RBL2: variants seen among roughly 807,000 people sequenced by gnomAD.
RBL2 encodes RB transcriptional corepressor like 2.
RBL2 carries 56 observed loss-of-function variants against 126.0 expected under a neutral mutation model. The ratio of observed to expected loss-of-function variants is 0.44; its 90% confidence interval spans 0.36 to 0.56. The LOEUF is 0.56. RBL2 is among the 20% of genes least tolerant of loss of function. RBL2 has a pLI of 0.00. For synonymous variants in RBL2, 454 were observed against 478.5 expected, an observed-to-expected ratio of 0.95 and a Z score of 0.67; for missense variants, 1,229 against 1,398.2, an observed-to-expected ratio of 0.88 and a Z score of 1.93.
intron 3 of RBL2, chr16:53,446,031 A>G (rs1309212950): frequency 6.6e-6 from 1 of 152,202 alleles, no homozygotes; most frequent in Non-Finnish European, 1.5e-5. Context: ...TAGAGGAAAC[A>G]AGAAAAGACA....
chr16:53,472,192 G>A (rs533389732), intron 17 of RBL2, among the ~76,000 whole-genome samples: 7 of 152,128 alleles, frequency 4.6e-5, no homozygotes, highest in Non-Finnish European at 8.8e-5. Context: ...GTTTCCAACT[G>A]TTGGCTATAG....
rs770411158 is a variant in RBL2 at position 53,467,148 on chromosome 16, G to T, written c.1954G>T (p.Asp652Tyr). The change falls in exon 14 of 22, where the codon GAT (aspartate) becomes TAT (tyrosine). Residue 652 changes from aspartate (D) to tyrosine (Y), a missense_variant. Physicochemically the swap from Asp to Tyr is radical, Grantham distance 160. Around this residue, in one of 2 missense-constraint regions of RBL2, gnomAD observed 1,070 missense variants for 1,274.3 expected, o/e 0.84. Coordinates refer to ENST00000262133, the MANE Select transcript of RBL2 (RefSeq NM_005611.4). ...TPRRVTEVRADTGGLGRSITS... is the reference protein window; with the variant it reads ...TPRRVTEVRAYTGGLGRSITS... ...CAGAAGGGTGACTGAAGTTCGTGCT[G>T]ATACTGGAGGACTTGGAAGGAGTAA... 6.2e-7 allele frequency: 1 copy of T among 1,613,146 alleles called. No individual in the cohort carries two copies.
intron 19 of RBL2, 182 bp from the exon 20 acceptor site, chr16:53,480,385 T>C (rs915641072): frequency 1.3e-5 from 8 of 606,906 alleles, no homozygotes; most frequent in Non-Finnish European, 2.0e-5. Context: ...GCTATGGTTA[T>C]GGCATAGGGA....
chr16:53,459,353 T>C (rs2058197306), intron 8 of RBL2, 98 bp from the exon 9 acceptor site: 1 of 941,492 alleles, frequency 1.1e-6, no homozygotes, highest in Non-Finnish European at 1.6e-6. Context: ...CTTACTGGCT[T>C]GAAGTCCCAT....
chr16:53,465,927 C>T (rs757982144), intron 13 of RBL2: 6 of 172,530 alleles, frequency 3.5e-5, no homozygotes, highest in Non-Finnish European at 6.1e-5. Flanking sequence ...TCTAGAGATC[C>T]TCGCCACCTC....
intron 21 of RBL2, chr16:53,487,800 T>C (rs565993682): frequency 1.3e-5 from 2 of 152,342 alleles, no homozygotes; most frequent in South Asian, 4.1e-4. Flanking sequence ...TTTGTATATC[T>C]ACAGTATCTA....
At chr16:53,436,650 T>C (rs745462315) in intron 1 of RBL2, among the ~76,000 whole-genome samples, 26 of 152,298 alleles carry the variant, frequency 1.7e-4, no homozygotes, top group Middle Eastern at 3.4e-3. Flanking sequence ...AGAATACTGG[T>C]TATGGAATTT....
intron 4 of RBL2, among the ~76,000 whole-genome samples, chr16:53,447,515 G>C (rs1340801826): frequency 1.3e-5 from 2 of 152,016 alleles, no homozygotes; most frequent in African/African-American, 4.8e-5. Flanking sequence ...GTTCAGATAA[G>C]TATACTTAGT....
At position 53,454,830 on chromosome 16, in the gene RBL2, G is replaced by A; in HGVS notation, c.1167G>A (p.Gln389=). 6.2e-7 allele frequency: 1 copy of A among 1,608,234 alleles called. No homozygotes were observed. Among genetic ancestry groups the A allele is most frequent in the Non-Finnish European group, 8.5e-7 (1 of 1,176,408 alleles). The change falls in exon 8 of 22, where the codon CAG becomes CAA. Residue 389 remains glutamine, a synonymous_variant. Transcript: ENST00000262133. ...TGCAGATGAAAAACATCTTACAGCA[G>A]CATTTTGACAAGGTGAGTTTAGCCA... The part of the protein sequence containing the change: ...ERVQMKNILQ[Q]HFDKSKALRI...
intron 3 of RBL2, among the ~76,000 whole-genome samples, chr16:53,444,864 A>T (rs1235957780): frequency 1.3e-5 from 2 of 152,190 alleles, no homozygotes; most frequent in African/African-American, 4.8e-5. Context: ...AATAAATAAA[A>T]AATGAAGTAT....
intron 17 of RBL2, chr16:53,478,942 C>A: frequency 1.8e-6 from 1 of 551,268 alleles, no homozygotes; most frequent in Non-Finnish European, 3.2e-6. Context: ...GATTCACATA[C>A]TATAGACTCC....
rs772545592 is a variant in RBL2, at chr16:53,459,476, C to G, written c.1205C>G (p.Pro402Arg). The G allele has an allele frequency of 5.0e-6, 8 of 1,612,622 alleles. No homozygotes were observed. The South Asian group carries it at 8.8e-5, about 18-fold the overall frequency. ...TCCAAAGCACTTAGAATCTCCACAC[C>G]ACTAACTGGTGTTAGGTACATTAAG... is the stretch of plus-strand genomic sequence containing the variant. ...DKSKALRISTPLTGVRYIKEN... is the reference protein window; with the variant it reads ...DKSKALRISTRLTGVRYIKEN... The change falls in exon 9 of 22, where the codon CCA (proline) becomes CGA (arginine). Residue 402 changes from proline to arginine, a missense_variant. Pro to Arg is a moderately radical substitution (Grantham distance 103). This residue lies in a region of RBL2 where 1,070 missense variants were observed against 1,274.3 expected (regional missense o/e 0.84). Transcript: ENST00000262133.
At position 53,451,586 on chromosome 16, in the gene RBL2, A is replaced by G. The variant is rs941721832; in HGVS notation, c.638-117A>G. ...GTAAATTTGCCAAAACACTTATTGT[A>G]ATGAGTCAATTTTGTACAATTGTTT... is the stretch of plus-strand genomic sequence containing the variant. On this transcript the variant is annotated intron_variant, in intron 4 of 21. Transcript: ENST00000262133. The G allele has an allele frequency of 1.1e-5, 12 of 1,127,556 alleles. No homozygotes were observed. In the African/African-American group the frequency reaches 1.9e-4, roughly 18 times the overall value. The allele number at this position is 1,127,556 out of a possible 1,614,324, so 69.8% of individuals were successfully genotyped here. A position where few individuals can be genotyped will look rare whatever the true frequency, so the allele number is the denominator to read the frequency against.
intron 17 of RBL2, among the ~76,000 whole-genome samples, 189 bp downstream of exon 17, chr16:53,471,111 T>C (rs2058319267): frequency 6.6e-6 from 1 of 152,268 alleles, no homozygotes; most frequent in Non-Finnish European, 1.5e-5. Context: ...AATATTCCAT[T>C]GTATAGTTAT....
chr16:53,485,399 GCTAAA>G (rs1377954762), intron 21 of RBL2, among the ~76,000 whole-genome samples: 2 of 152,180 alleles, frequency 1.3e-5, no homozygotes, highest in Non-Finnish European at 2.9e-5. Context: ...GTGGGATGTA[GCTAAA>G]ACAGTGCTAA....
chr16:53,457,993 G>A (rs772275557), intron 8 of RBL2, among the ~76,000 whole-genome samples: 1 of 152,190 alleles, frequency 6.6e-6, no homozygotes, highest in Non-Finnish European at 1.5e-5. Flanking sequence ...CAGTGAAGTA[G>A]TTGGCTGCAA....
intron 2 of RBL2, among the ~76,000 whole-genome samples, chr16:53,440,805 T>TG (rs1247021344): frequency 1.3e-5 from 2 of 152,000 alleles, no homozygotes; most frequent in Admixed American, 1.3e-4. Context: ...CCACCCGCCT[T>TG]GGACTCCCAA....
In RBL2 at chr16:53,434,658, C is replaced by T. The variant is rs1172341526; in HGVS notation, c.102C>T (p.Ala34=). The change falls in exon 1 of 22, where the codon GCC becomes GCT. Residue 34 remains alanine (A), a synonymous_variant. Coordinates refer to ENST00000262133, the MANE Select transcript of RBL2 (RefSeq NM_005611.4). ...EEEDDGEAED[A]APPAESPTPQ... ...AGGACGACGGCGAGGCGGAAGACGC[C>T]GCGCCGCCTGCCGAGTCGCCCACCC... 1.9e-6 allele frequency: 3 copies of T among 1,561,926 alleles called. No individual in the cohort carries two copies. The highest frequency in any genetic ancestry group is 1.7e-6 in the Non-Finnish European group (2 of 1,163,694).
chr16:53,457,277 T>TTTTTTTTTTTTTTTG (rs1213898728), intron 8 of RBL2, among the ~76,000 whole-genome samples: 28 of 139,978 alleles, frequency 2.0e-4, no homozygotes, highest in Middle Eastern at 3.7e-3. Flanking sequence ...TTTTTTTTTT[T>TTTTTTTTTTTTTTTG]GAGATGGAGT....
Sources: allele counts gnomAD v4.1 joint callset (sites outside exome capture counted in the v4.1 genomes callset), GRCh38; gene constraint gnomAD v4.1.1; regional missense constraint gnomAD v4.1.1; transcripts MANE v1.5; gene names NCBI Gene and HGNC (gene_info 2026-07-23, HGNC 2026-07-21).